MICAL2: variants seen among roughly 807,000 people sequenced by gnomAD.
MICAL2 encodes [F-actin]-monooxygenase MICAL2.
MICAL2 carries 77 observed loss-of-function variants against 127.3 expected under a neutral mutation model. The ratio of observed to expected loss-of-function variants is 0.60; its 90% CI spans 0.50 to 0.73. The LOEUF is 0.73. Among genes scored for constraint, MICAL2 ranks in the 30% least tolerant of loss-of-function variants. MICAL2 has a pLI of 0.00. For synonymous variants in MICAL2, 570 were observed against 551.1 expected, an observed-to-expected ratio of 1.03 and a Z score of -0.48; for missense variants, 1,351 against 1,434.4, an observed-to-expected ratio of 0.94 and a Z score of 0.94.
At chr11:12,242,493 CCCT>C in intron 19 of MICAL2, 61 bp downstream of exon 19, 2 of 1,536,350 alleles carry the variant, frequency 1.3e-6, no homozygotes, top group African/African-American at 1.4e-5. Context: ...TTCTTCCCCT[CCCT>C]CCTCCTACCC....
intron 2 of MICAL2, among the ~76,000 whole-genome samples, chr11:12,141,834 G>T (rs909122909): frequency 6.6e-6 from 1 of 152,212 alleles, no homozygotes; most frequent in South Asian, 2.1e-4. Context: ...TTGGTAGAAG[G>T]TTGCTCAGTG....
intron 2 of MICAL2, among the ~76,000 whole-genome samples, chr11:12,144,080 G>A (rs1852634309): frequency 6.6e-6 from 1 of 152,162 alleles, no homozygotes; most frequent in Non-Finnish European, 1.5e-5. Context: ...AGCCTGAATT[G>A]TCTTCTATGG....
chr11:12,241,413 G>A (rs1287907064), intron 18 of MICAL2, among the ~76,000 whole-genome samples: 1 of 152,162 alleles, frequency 6.6e-6, no homozygotes, highest in East Asian at 1.9e-4. Flanking sequence ...TGCTGCTAGG[G>A]AAAAATAAAC....
At chr11:12,227,640 T>C (rs1412071960) in intron 15 of MICAL2, among the ~76,000 whole-genome samples, 1 of 152,198 alleles carries the variant, frequency 6.6e-6, no homozygotes. Context: ...GGGGAGCAAA[T>C]ATACAGAAGT....
chr11:12,140,045 C>A (rs10765928), intron 2 of MICAL2, among the ~76,000 whole-genome samples: 56,688 of 151,920 alleles, frequency 0.37, 10,891 homozygotes, highest in Middle Eastern at 0.46. Context: ...AGGACTGGGA[C>A]TGACTGCCAG....
intron 21 of MICAL2, among the ~76,000 whole-genome samples, chr11:12,245,319 G>T (rs1418203246): frequency 6.6e-6 from 1 of 152,200 alleles, no homozygotes; most frequent in Non-Finnish European, 1.5e-5. Context: ...GCCAGAAGGA[G>T]TGCTGGTCTG....
At chr11:12,178,723 A>T (rs1857111328) in intron 3 of MICAL2, among the ~76,000 whole-genome samples, 1 of 121,984 alleles carries the variant, frequency 8.2e-6, no homozygotes, top group Non-Finnish European at 1.9e-5. Context: ...TATTATTATT[A>T]CTATTTTTTT....
chr11:12,213,176 A>G lies in MICAL2; in HGVS notation c.692-79A>G, dbSNP rs899853034. ...TCACTGGCCTGGGAGGCATCTGGGA[A>G]CAGCTCTCCCAATAATCATTTTCAG... On this transcript the variant is annotated intron_variant, in intron 6 of 27. Coordinates refer to ENST00000683283, the MANE Select transcript of MICAL2 (RefSeq NM_001282663.2). The G allele has an allele frequency of 5.7e-5, 84 of 1,476,070 alleles. No individual in the cohort carries two copies. In the East Asian group the frequency reaches 7.8e-4, roughly 14 times the overall value. The allele number at this position is 1,476,070 out of a possible 1,614,324, so 91.4% of individuals were successfully genotyped here.
At chr11:12,257,982 T>A (rs1377326023) in intron 24 of MICAL2, among the ~76,000 whole-genome samples, 1 of 152,198 alleles carries the variant, frequency 6.6e-6, no homozygotes, top group African/African-American at 2.4e-5. Context: ...ACTGAGGGTG[T>A]TCATACTCGA....
At chr11:12,269,231 C>T (rs1251744541) in intron 24 of MICAL2, among the ~76,000 whole-genome samples, 2 of 152,136 alleles carry the variant, frequency 1.3e-5, no homozygotes, top group Non-Finnish European at 1.5e-5. Flanking sequence ...TACTTCCCTT[C>T]CTGCTTTACA....
intron 32 of MICAL2, among the ~76,000 whole-genome samples, chr11:12,344,472 C>CGAT (rs34112883): frequency 0.16 from 23,048 of 141,346 alleles, 2,376 homozygotes; most frequent in Non-Finnish European, 0.23. Flanking sequence ...ATTCTAGAAA[C>CGAT]TATTATTATT....
rs188696262 is a variant in MICAL2, at chr11:12,325,167, T to G, written c.5421+1097T>G. Among the ~76,000 whole-genome samples the G allele has an allele frequency of 2.6e-4, 39 of 152,276 alleles. 1 individual carries two copies. The East Asian group carries it at 7.3e-3, about 29-fold the overall frequency. On this transcript the variant is annotated intron_variant, in intron 31 of 34. Transcript: ENST00000646065. ...CTGTGTCACCCAGGCTGGAGTGCAG[T>G]GGTGTGATCTCAGTTCACTGCAACC... is the stretch of plus-strand genomic sequence containing the variant.
intron 29 of MICAL2, among the ~76,000 whole-genome samples, chr11:12,316,105 TAG>T (rs1294870463): frequency 1.3e-5 from 2 of 152,098 alleles, no homozygotes; most frequent in Admixed American, 6.6e-5. Flanking sequence ...TCTTATTGAT[TAG>T]AGTTATCACA....
chr11:12,302,965 G>C (rs1864065037), intron 29 of MICAL2, among the ~76,000 whole-genome samples: 1 of 152,148 alleles, frequency 6.6e-6, no homozygotes, highest in African/African-American at 2.4e-5. Context: ...ACATTGCCAG[G>C]GAGGCCCCAG....
intron 29 of MICAL2, among the ~76,000 whole-genome samples, chr11:12,317,252 C>T (rs986874145): frequency 2.6e-5 from 4 of 152,150 alleles, no homozygotes; most frequent in Admixed American, 2.0e-4. Flanking sequence ...TTCTTCTTAC[C>T]TGTACTGTGA....
intron 5 of MICAL2, among the ~76,000 whole-genome samples, chr11:12,209,246 C>T (rs753250810): frequency 9.2e-5 from 14 of 152,144 alleles, no homozygotes; most frequent in Non-Finnish European, 1.6e-4. Context: ...AGACTCCTAG[C>T]GGAGGCCAAC....
intron 2 of MICAL2, among the ~76,000 whole-genome samples, chr11:12,156,622 G>T (rs1341720846): frequency 1.3e-5 from 2 of 152,170 alleles, no homozygotes; most frequent in Non-Finnish European, 2.9e-5. Flanking sequence ...TAAATTGGGT[G>T]CCTAGTGCCC....
chr11:12,291,182 A>G (rs1479193654), downstream of MICAL2, among the ~76,000 whole-genome samples: 2 of 152,114 alleles, frequency 1.3e-5, no homozygotes, highest in Non-Finnish European at 2.9e-5. Context: ...GGCTGGGGGT[A>G]GGTACTGAGA....
chr11:12,284,611 T>A (rs1863805858), intron 2 of MICAL2, among the ~76,000 whole-genome samples: 1 of 152,026 alleles, frequency 6.6e-6, no homozygotes, highest in Admixed American at 6.5e-5. Context: ...TAGAGCTTTA[T>A]GCAATTTTTT....
Sources: allele counts gnomAD v4.1 joint callset (sites outside exome capture counted in the v4.1 genomes callset), GRCh38; gene constraint gnomAD v4.1.1; transcripts MANE v1.5; gene names NCBI Gene and HGNC (gene_info 2026-07-23, HGNC 2026-07-21).